VAC14: variants seen among roughly 807,000 people sequenced by gnomAD.
VAC14 encodes VAC14 component of PIKFYVE complex.
Under a neutral mutation model 85.3 loss-of-function variants are expected in VAC14, and 47 were observed. The ratio of observed to expected loss-of-function variants is 0.55; its 90% confidence interval spans 0.44 to 0.70. The LOEUF (loss-of-function observed/expected upper bound fraction) is 0.70, where lower values mean the gene tolerates loss of function less well. Among genes scored for constraint, VAC14 ranks in the 30% least tolerant of loss-of-function variants. The probability of loss-of-function intolerance (pLI) is 0.00; values close to 1 mark genes in which losing one functional copy is unlikely to be tolerated. For missense variants in VAC14, 861 were observed against 1,004.3 expected (o/e 0.86, Z 1.93); for synonymous variants, 447 against 430.5 (o/e 1.04, Z -0.47).
intron 14 of VAC14, among the ~76,000 whole-genome samples, chr16:70,726,317 C>T (rs1342056534): frequency 1.3e-5 from 2 of 152,248 alleles, no homozygotes; most frequent in Admixed American, 6.5e-5. Context: ...CTGGTGGGTG[C>T]CCTGGGCACT....
intron 5 of VAC14, among the ~76,000 whole-genome samples, 172 bp from the exon 6 acceptor site, chr16:70,783,726 G>C (rs2033922235): frequency 6.6e-6 from 1 of 152,222 alleles, no homozygotes; most frequent in Non-Finnish European, 1.5e-5. Context: ...AGCATTTCTT[G>C]TTTAATGTGC....
At chr16:70,766,350 C>A in intron 10 of VAC14, 1 of 391,608 alleles carries the variant, frequency 2.6e-6, no homozygotes, top group South Asian at 1.9e-5. Context: ...GCAAGTGGTG[C>A]TGTGTCAGGG....
Position 70,687,773 on chromosome 16 carries a change from T to C in VAC14, c.*155A>G, listed in dbSNP as rs2053522893. 2 of 788,502 alleles carry C rather than the reference T, an allele frequency of 2.5e-6. No homozygotes were observed. Among genetic ancestry groups the C allele is most frequent in the Non-Finnish European group, 3.5e-6 (2 of 572,738 alleles). The allele number at this position is 788,502 out of a possible 1,614,324, so 48.8% of individuals were successfully genotyped here. On this transcript the variant is annotated 3_prime_UTR_variant, in exon 19 of 19. Coordinates refer to ENST00000261776, the MANE Select transcript of VAC14 (RefSeq NM_018052.5). ...TGGGGACTGGACTCTGAGAGGAGCT[T>C]GGGCAGACACAGCAGCCTCCGGCCC...
intron 17 of VAC14, among the ~76,000 whole-genome samples, chr16:70,693,582 G>C (rs1379113429): frequency 6.6e-6 from 1 of 152,196 alleles, no homozygotes; most frequent in Non-Finnish European, 1.5e-5. Context: ...CCCTGGCGGG[G>C]GAAAGAGATG....
intron 9 of VAC14, among the ~76,000 whole-genome samples, chr16:70,775,546 A>C (rs945300040): frequency 6.6e-6 from 1 of 152,210 alleles, no homozygotes; most frequent in African/African-American, 2.4e-5. Context: ...TGCCCCCTGT[A>C]GACCCAGGAC....
At chr16:70,698,857 G>A in intron 14 of VAC14, 46 bp from the exon 15 acceptor site, 1 of 1,604,196 alleles carries the variant, frequency 6.2e-7, no homozygotes, top group South Asian at 1.1e-5. Flanking sequence ...CGACCTGGAA[G>A]GCTCTGTGTC....
At chr16:70,796,854 A>C (rs1158028881) in intron 1 of VAC14, among the ~76,000 whole-genome samples, 13 of 152,180 alleles carry the variant, frequency 8.5e-5, no homozygotes, top group Admixed American at 8.5e-4. Context: ...ATTTGGAGAG[A>C]GGGCCTATAA....
At chr16:70,767,238 AAAT>A (rs1470330051) in intron 10 of VAC14, among the ~76,000 whole-genome samples, 2 of 152,236 alleles carry the variant, frequency 1.3e-5, no homozygotes, top group Admixed American at 1.3e-4. Context: ...TATTACCAAT[AAAT>A]AATAATAAGT....
At chr16:70,760,962 G>GGTGGGTGTGT (rs2032285968) in intron 12 of VAC14, among the ~76,000 whole-genome samples, 1 of 47,602 alleles carries the variant, frequency 2.1e-5, no homozygotes, top group Non-Finnish European at 3.9e-5. Context: ...ACGAAGAGAG[G>GGTGGGTGTGT]GTGTGTGTGT....
chr16:70,689,358 G>C lies in VAC14; in HGVS notation c.2187-1268C>G, dbSNP rs191332031. On this transcript the variant is annotated intron_variant, in intron 18 of 18. Transcript: ENST00000261776. ...GCCGGGGCCCAGCAGCTTGAGGGTGGAAATAAAGGAGGCCATTTTGGGGGA... is the reference window on the plus strand; with the variant it reads ...GCCGGGGCCCAGCAGCTTGAGGGTGCAAATAAAGGAGGCCATTTTGGGGGA... 4.5e-4 allele frequency: 439 copies of C among 985,388 alleles called. 1 individual carries two copies. The South Asian group carries it at 8.7e-3, about 20-fold the overall frequency. 61.0% of individuals were successfully genotyped at this position (985,388 alleles called of 1,614,324 possible).
In VAC14 at chr16:70,789,191, A is replaced by G. The variant is rs79476711; in HGVS notation, c.105-2826T>C. 2.5e-4 allele frequency among the ~76,000 whole-genome samples: 38 copies of G among 152,364 alleles called. No individual in the cohort carries two copies. The East Asian group carries it at 7.3e-3, about 29-fold the overall frequency. On this transcript the variant is annotated intron_variant, in intron 1 of 18. Coordinates refer to ENST00000261776, the MANE Select transcript of VAC14 (RefSeq NM_018052.5). ...CAGTAACACAGTTTAACACAAGACTAAACACAGAAGGCGGTGGGAGGACTC... is the reference window on the plus strand; with the variant it reads ...CAGTAACACAGTTTAACACAAGACTGAACACAGAAGGCGGTGGGAGGACTC...
chr16:70,696,076 C>T (rs1231830765), intron 16 of VAC14, among the ~76,000 whole-genome samples: 2 of 152,188 alleles, frequency 1.3e-5, no homozygotes, highest in Non-Finnish European at 2.9e-5. Flanking sequence ...CAGGGCCACA[C>T]CTAGCCCTCC....
At position 70,697,119 on chromosome 16, in the gene VAC14, C is replaced by G; in HGVS notation, c.1955+20G>C. On this transcript the variant is annotated intron_variant, in intron 16 of 18. Coordinates refer to ENST00000261776, the MANE Select transcript of VAC14 (RefSeq NM_018052.5). ...TGCCCCTCAGAGGCTCAACCCCAACCACAGTGAGAGGAAGGATACAACTTC... is the reference window on the plus strand; with the variant it reads ...TGCCCCTCAGAGGCTCAACCCCAACGACAGTGAGAGGAAGGATACAACTTC... 6.2e-7 allele frequency: 1 copy of G among 1,603,546 alleles called. No homozygotes were observed.
At chr16:70,693,017 G>T (rs1173603183) in intron 17 of VAC14, 46 bp from the exon 18 acceptor site, 3 of 1,583,112 alleles carry the variant, frequency 1.9e-6, no homozygotes. Context: ...CACTGCTCTG[G>T]GACACGCCCA....
intron 9 of VAC14, among the ~76,000 whole-genome samples, chr16:70,775,203 C>A (rs77606719): frequency 0.043 from 6,528 of 152,232 alleles, 482 homozygotes; most frequent in African/African-American, 0.15. Context: ...TCAAATGATA[C>A]CAGCCTTGGC....
At chr16:70,728,158 T>G (rs948301570) in intron 14 of VAC14, among the ~76,000 whole-genome samples, 3 of 152,058 alleles carry the variant, frequency 2.0e-5, no homozygotes, top group Admixed American at 6.5e-5. Context: ...CAATTTCCAC[T>G]GAGAACCCAG....
intron 1 of VAC14, among the ~76,000 whole-genome samples, chr16:70,790,081 A>G (rs2034266322): frequency 6.6e-6 from 1 of 152,218 alleles, no homozygotes. Context: ...GCTCTCTGCC[A>G]GCGTGGGAAG....
At chr16:70,764,873 A>C (rs2032683493) in intron 10 of VAC14, among the ~76,000 whole-genome samples, 1 of 152,172 alleles carries the variant, frequency 6.6e-6, no homozygotes, top group Non-Finnish European at 1.5e-5. Context: ...CATCTCTGGC[A>C]GTTTCCTAGC....
In VAC14 at chr16:70,785,768, G is replaced by A. The variant is rs1364336097; in HGVS notation, c.357C>T (p.Asn119=). Residue 119 remains asparagine (N), a synonymous_variant, in exon 3 of 19, where the codon AAC becomes AAT. Coordinates refer to ENST00000261776, the MANE Select transcript of VAC14 (RefSeq NM_018052.5). ...LRYYACEALY[N]IVKVARGAVL... ...CAGCGCCCCGGGCCACCTTGACGAT[G>A]TTGTAGAGGGCCTCGCAGGCATAGT... 6.3e-7 allele frequency: 1 copy of A among 1,584,548 alleles called. No homozygotes were observed. The highest frequency in any genetic ancestry group is 1.3e-5 in the African/African-American group (1 of 74,426).
Sources: gnomAD v4.1 joint callset for allele counts (sites outside exome capture counted in the v4.1 genomes callset) on GRCh38, gnomAD v4.1.1 for gene constraint, MANE v1.5 for transcripts, NCBI Gene and HGNC (gene_info 2026-07-23, HGNC 2026-07-21) for gene names.